Variants in IPPK observed in about 807,000 individuals in gnomAD.
IPPK encodes inositol-pentakisphosphate 2-kinase.
Under a neutral mutation model 64.6 loss-of-function variants are expected in IPPK, and 22 were observed. The observed-to-expected ratio is 0.34, with a 90% CI of 0.24 to 0.49. IPPK has a LOEUF of 0.49. IPPK is among the 20% of genes least tolerant of loss of function. IPPK has a pLI of 0.99. For missense variants in IPPK, 532 were observed against 630.7 expected, an observed-to-expected ratio of 0.84 and a Z score of 1.68; for synonymous variants, 262 against 247.2, an observed-to-expected ratio of 1.06 and a Z score of -0.56.
chr9:92,639,224 T>C (rs905659058), intron 8 of IPPK, among the ~76,000 whole-genome samples: 7 of 152,062 alleles, frequency 4.6e-5, no homozygotes, highest in Non-Finnish European at 5.9e-5. Context: ...ATTTTTTTGA[T>C]TTTTTGTAGA....
rs371361981 is a variant in IPPK at position 92,664,706 on chromosome 9, G to T, written c.81+5202C>A. 2.0e-5 allele frequency among the ~76,000 whole-genome samples: 3 copies of T among 152,348 alleles called. No individual in the cohort carries two copies. The East Asian group carries it at 5.8e-4, about 29-fold the overall frequency. On this transcript the variant is annotated intron_variant, in intron 1 of 12. Transcript: ENST00000287996. Reference sequence around the variant, plus strand: ...GCCACAGGGAACTGTGAGCAAGTCCGGGCCCTCAGATCTCCCAACCGCTTG... The same window carrying T: ...GCCACAGGGAACTGTGAGCAAGTCCTGGCCCTCAGATCTCCCAACCGCTTG...
intron 1 of IPPK, among the ~76,000 whole-genome samples, chr9:92,660,552 C>A (rs1852462082): frequency 6.6e-6 from 1 of 152,220 alleles, no homozygotes; most frequent in South Asian, 2.1e-4. Context: ...TGTAGCAAAG[C>A]AGTCCTGATC....
At chr9:92,638,598 A>G (rs566423485) in intron 8 of IPPK, among the ~76,000 whole-genome samples, 65 of 152,384 alleles carry the variant, frequency 4.3e-4, no homozygotes, top group African/African-American at 1.5e-3. Context: ...AATGCTCACC[A>G]CAAGTGACAA....
At chr9:92,648,414 CACA>C (rs1372853648) in intron 5 of IPPK, among the ~76,000 whole-genome samples, 2 of 152,224 alleles carry the variant, frequency 1.3e-5, no homozygotes, top group Non-Finnish European at 2.9e-5. Flanking sequence ...AAGCACAACA[CACA>C]ATAGCTTCAT....
chr9:92,628,521 G>A (rs1198997423), intron 11 of IPPK, among the ~76,000 whole-genome samples: 2 of 152,160 alleles, frequency 1.3e-5, no homozygotes, highest in Non-Finnish European at 2.9e-5. Flanking sequence ...ATACATCTAT[G>A]GTCAACTGAT....
Position 92,632,781 on chromosome 9 carries a change from A to G in IPPK, c.1170+1605T>C, listed in dbSNP as rs148663334. Reference sequence around the variant, plus strand: ...TTACCAGACATCCTCAGTTCTCCTCAAAACAGACAGCTGCAGCCCCAGTTA... The same window carrying G: ...TTACCAGACATCCTCAGTTCTCCTCGAAACAGACAGCTGCAGCCCCAGTTA... On this transcript the variant is annotated intron_variant, in intron 11 of 12. Coordinates refer to ENST00000287996, the MANE Select transcript of IPPK (RefSeq NM_022755.6). Among the ~76,000 whole-genome samples, 21 of 152,312 alleles carry G rather than the reference A, an allele frequency of 1.4e-4. No individual in the cohort carries two copies. The East Asian group carries it at 4.1e-3, about 29-fold the overall frequency.
intron 1 of IPPK, among the ~76,000 whole-genome samples, chr9:92,664,772 C>G (rs1852559992): frequency 6.6e-6 from 1 of 152,230 alleles, no homozygotes; most frequent in Non-Finnish European, 1.5e-5. Context: ...CACAGCCTTG[C>G]TCTCTGCAGA....
rs1332064443 is a variant in IPPK at position 92,645,978 on chromosome 9, C to T, written c.504+2081G>A. Among the ~76,000 whole-genome samples, 7 of 152,000 alleles carry T rather than the reference C, an allele frequency of 4.6e-5. No individual in the cohort carries two copies. In the South Asian group the frequency reaches 8.3e-4, roughly 18 times the overall value. Reference sequence around the variant, plus strand: ...GCAAATATAAAAGAAGGTATAAACACATTTTGTAATTCTTGTTCCTCTATA... The same window carrying T: ...GCAAATATAAAAGAAGGTATAAACATATTTTGTAATTCTTGTTCCTCTATA... On this transcript the variant is annotated intron_variant, in intron 6 of 12. Coordinates refer to ENST00000287996, the MANE Select transcript of IPPK (RefSeq NM_022755.6).
chr9:92,639,223 A>AT (rs1450930659), intron 8 of IPPK, among the ~76,000 whole-genome samples: 1 of 151,782 alleles, frequency 6.6e-6, no homozygotes, highest in Non-Finnish European at 1.5e-5. Context: ...AATTTTTTTG[A>AT]TTTTTTGTAG....
chr9:92,634,645 G>GT, intron 10 of IPPK, among the ~76,000 whole-genome samples, 157 bp from the exon 11 acceptor site: 1 of 152,324 alleles, frequency 6.6e-6, no homozygotes, highest in African/African-American at 2.4e-5. Flanking sequence ...AAACATCAAG[G>GT]TTTTTAACAG....
intron 9 of IPPK, among the ~76,000 whole-genome samples, chr9:92,637,056 C>T (rs1478494368): frequency 6.6e-6 from 1 of 152,130 alleles, no homozygotes; most frequent in African/African-American, 2.4e-5. Flanking sequence ...CATGGTGGCT[C>T]ATGCCTGTAA....
At chr9:92,658,728 G>A (rs1320084393) in intron 1 of IPPK, 47 bp from the exon 2 acceptor site, 3 of 1,557,410 alleles carry the variant, frequency 1.9e-6, no homozygotes, top group Non-Finnish European at 2.7e-6. Flanking sequence ...TCAAAGCCAA[G>A]GCACAAGGTG....
intron 1 of IPPK, among the ~76,000 whole-genome samples, chr9:92,664,166 A>C (rs1852545949): frequency 6.6e-6 from 1 of 152,238 alleles, no homozygotes; most frequent in Non-Finnish European, 1.5e-5. Context: ...CAACCCAGAA[A>C]GGGATGTCCA....
intron 11 of IPPK, among the ~76,000 whole-genome samples, chr9:92,626,902 G>C (rs927958265): frequency 1.4e-5 from 2 of 146,610 alleles, no homozygotes; most frequent in Non-Finnish European, 3.0e-5. Flanking sequence ...TGTATGAAAT[G>C]TTTAAATGCT....
At position 92,613,641 on chromosome 9, in the gene IPPK, G is replaced by A. The variant is rs1851339928; in HGVS notation, c.*2191C>T. On this transcript the variant is annotated 3_prime_UTR_variant, in exon 13 of 13. Transcript: ENST00000287996. ...TCCCTGCCTCCCCCCGGTCCGCATG[G>A]TGGCACCGTGAGGCAGTCTCAGCAA... is the stretch of plus-strand genomic sequence containing the variant. The A allele has an allele frequency of 6.2e-6, 1 of 160,762 alleles. No individual in the cohort carries two copies. Among genetic ancestry groups the A allele is most frequent in the African/African-American group, 2.4e-5 (1 of 41,594 alleles). 10.0% of individuals were successfully genotyped at this position (160,762 alleles called of 1,614,324 possible).
In IPPK at chr9:92,648,071, G is replaced by A. The variant is rs1852184801; in HGVS notation, c.492C>T (p.His164=). 4 of 1,612,598 alleles carry A rather than the reference G, an allele frequency of 2.5e-6. No homozygotes were observed. Among genetic ancestry groups the A allele is most frequent in the Non-Finnish European group, 3.4e-6 (4 of 1,179,070 alleles). The change falls in exon 6 of 13, where the codon CAC becomes CAT. Residue 164 remains histidine (H), a synonymous_variant. Transcript: ENST00000287996. ...CATTGGCTCTCACCTTGAGGTGCTG[G>A]TGCATGCAGTATCGACAGACCTTAT... ...MKHKVCRYCM[H]QHLKVATGKW...
At position 92,618,535 on chromosome 9, in the gene IPPK, C is replaced by T. The variant is rs184462941; in HGVS notation, c.1250+951G>A. On this transcript the variant is annotated intron_variant, in intron 12 of 12. Transcript: ENST00000287996. ...CCCAGCTGCATCCTTGGTCGGGGGGCTGCTGAACAGTGGTATCTTCGTGGG... is the reference window on the plus strand; with the variant it reads ...CCCAGCTGCATCCTTGGTCGGGGGGTTGCTGAACAGTGGTATCTTCGTGGG... The T allele has an allele frequency of 3.0e-3, 1,358 of 456,724 alleles. 5 individuals are homozygous for T. The highest frequency in any genetic ancestry group is 3.9e-3 in the South Asian group (254 of 64,570). 28.3% of individuals were successfully genotyped at this position (456,724 alleles called of 1,614,324 possible).
intron 7 of IPPK, among the ~76,000 whole-genome samples, chr9:92,641,093 C>T (rs1852037068): frequency 6.6e-6 from 1 of 152,240 alleles, no homozygotes; most frequent in Admixed American, 6.5e-5. Flanking sequence ...GGAACCCCAC[C>T]AGCTGCATCA....
chr9:92,646,480 A>T (rs1356280041), intron 6 of IPPK, among the ~76,000 whole-genome samples: 1 of 152,268 alleles, frequency 6.6e-6, no homozygotes, highest in Admixed American at 6.5e-5. Context: ...TTGACTCACA[A>T]ATGTGTAAAA....
Sources: allele counts gnomAD v4.1 joint callset (sites outside exome capture counted in the v4.1 genomes callset), GRCh38; gene constraint gnomAD v4.1.1; transcripts MANE v1.5; gene names NCBI Gene and HGNC (gene_info 2026-07-23, HGNC 2026-07-21).